Variants in COG5 observed in about 807,000 individuals in gnomAD.
COG5 encodes component of oligomeric golgi complex 5.
Under a neutral mutation model 110.4 loss-of-function variants are expected in COG5, and 86 were observed. That is an observed-to-expected ratio of 0.78 (90% CI 0.65 to 0.93). The LOEUF (loss-of-function observed/expected upper bound fraction) is 0.93, where lower values mean the gene tolerates loss of function less well. Ranked by LOEUF, COG5 falls within the 40% of genes least tolerant of loss-of-function variation. The probability of loss-of-function intolerance (pLI) is 0.00; values close to 1 mark genes in which losing one functional copy is unlikely to be tolerated. For missense variants in COG5, 1,077 were observed against 987.0 expected (o/e 1.09, Z -1.22); for synonymous variants, 360 against 334.6 (o/e 1.08, Z -0.83).
intron 6 of COG5, among the ~76,000 whole-genome samples, chr7:107,508,290 G>A (rs993412925): frequency 6.6e-6 from 1 of 152,248 alleles, no homozygotes; most frequent in African/African-American, 2.4e-5. Flanking sequence ...TGCTAGCACA[G>A]CAGTCTGAGA....
chr7:107,443,205 A>G (rs1467578828), intron 6 of COG5, among the ~76,000 whole-genome samples: 1 of 152,178 alleles, frequency 6.6e-6, no homozygotes, highest in Non-Finnish European at 1.5e-5. Context: ...ACATGCTACA[A>G]TGTGAAAGAA....
chr7:107,455,537 AAAAC>A (rs1795607729), intron 6 of COG5, among the ~76,000 whole-genome samples: 1 of 152,200 alleles, frequency 6.6e-6, no homozygotes, highest in African/African-American at 2.4e-5. Context: ...GTCAAAAAAG[AAAAC>A]AAAGAATATG....
rs562394150 is a variant in COG5, at chr7:107,519,121, T to C, written c.538+8116A>G. Among the ~76,000 whole-genome samples, 4 of 152,224 alleles carry C rather than the reference T, an allele frequency of 2.6e-5. No homozygotes were observed. The East Asian group carries it at 5.8e-4, about 22-fold the overall frequency. ...AACCAATTAGAACAAAGAGACAACATACCAGAATCTCTGGGACACATTTAA... is the reference window on the plus strand; with the variant it reads ...AACCAATTAGAACAAAGAGACAACACACCAGAATCTCTGGGACACATTTAA... On this transcript the variant is annotated intron_variant, in intron 6 of 21. Coordinates refer to ENST00000297135, the MANE Select transcript of COG5 (RefSeq NM_006348.5).
intron 6 of COG5, among the ~76,000 whole-genome samples, chr7:107,485,809 A>T (rs1797624671): frequency 6.6e-6 from 1 of 152,220 alleles, no homozygotes; most frequent in African/African-American, 2.4e-5. Flanking sequence ...GCCAACATCA[A>T]TGTCACAAAG....
intron 6 of COG5, among the ~76,000 whole-genome samples, chr7:107,521,607 G>C (rs988866773): frequency 2.6e-5 from 4 of 151,982 alleles, no homozygotes; most frequent in Non-Finnish European, 5.9e-5. Context: ...TCACGCCAAT[G>C]GCAATTACTA....
chr7:107,230,903 C>T (rs955332812), intron 18 of COG5, among the ~76,000 whole-genome samples: 25 of 123,012 alleles, frequency 2.0e-4, no homozygotes, highest in Non-Finnish European at 3.2e-4. Flanking sequence ...TGAGACAATT[C>T]CTTCATGAAA....
chr7:107,467,704 T>C (rs1796382678), intron 6 of COG5, among the ~76,000 whole-genome samples: 1 of 152,202 alleles, frequency 6.6e-6, no homozygotes, highest in African/African-American at 2.4e-5. Context: ...AATCAGTAGT[T>C]GAGATATTTG....
intron 14 of COG5, among the ~76,000 whole-genome samples, chr7:107,272,212 CAG>C (rs1304262435): frequency 6.6e-6 from 1 of 152,184 alleles, no homozygotes; most frequent in Non-Finnish European, 1.5e-5. Flanking sequence ...CCATTCTATT[CAG>C]AGTCACCCCT....
At chr7:107,483,006 T>C (rs1376577320) in intron 6 of COG5, among the ~76,000 whole-genome samples, 4 of 152,200 alleles carry the variant, frequency 2.6e-5, no homozygotes, top group African/African-American at 7.2e-5. Context: ...TTACAAATTG[T>C]ATTTTGTATG....
At chr7:107,262,268 A>G (rs540191460) in intron 14 of COG5, among the ~76,000 whole-genome samples, 1 of 152,248 alleles carries the variant, frequency 6.6e-6, no homozygotes, top group South Asian at 2.1e-4. Flanking sequence ...GCTATCTCAC[A>G]GGAGTCCCTG....
chr7:107,272,683 T>C (rs981022342), intron 14 of COG5, among the ~76,000 whole-genome samples: 14 of 152,188 alleles, frequency 9.2e-5, no homozygotes, highest in African/African-American at 3.1e-4. Context: ...CATTGCTAGA[T>C]TATCAATTCC....
chr7:107,444,286 T>C (rs1479790646), intron 6 of COG5, among the ~76,000 whole-genome samples: 1 of 152,226 alleles, frequency 6.6e-6, no homozygotes, highest in Non-Finnish European at 1.5e-5. Flanking sequence ...AAATTAATCA[T>C]ATAATTTATT....
intron 6 of COG5, among the ~76,000 whole-genome samples, chr7:107,439,741 A>C (rs929746119): frequency 6.6e-6 from 1 of 152,196 alleles, no homozygotes; most frequent in African/African-American, 2.4e-5. Context: ...AAATAAAGAC[A>C]ATTTTGTACT....
chr7:107,261,107 C>G (rs1485691650), intron 14 of COG5, among the ~76,000 whole-genome samples: 1 of 152,088 alleles, frequency 6.6e-6, no homozygotes, highest in African/African-American at 2.4e-5. Flanking sequence ...AAAGTTGGCT[C>G]TCTACATATG....
chr7:107,305,770 T>C (rs761997998), intron 11 of COG5, among the ~76,000 whole-genome samples: 8 of 151,994 alleles, frequency 5.3e-5, no homozygotes, highest in Non-Finnish European at 1.2e-4. Context: ...ACCTTGGCTC[T>C]TGCCAAGTGG....
At chr7:107,518,843 C>A (rs1800129319) in intron 6 of COG5, among the ~76,000 whole-genome samples, 1 of 152,184 alleles carries the variant, frequency 6.6e-6, no homozygotes, top group Non-Finnish European at 1.5e-5. Context: ...CATTCTAAAT[C>A]AACAGAATAT....
At chr7:107,234,075 T>C (rs983562973) in intron 18 of COG5, among the ~76,000 whole-genome samples, 1 of 152,244 alleles carries the variant, frequency 6.6e-6, no homozygotes, top group African/African-American at 2.4e-5. Context: ...GTACCCATGA[T>C]CCACAGGACT....
chr7:107,505,357 A>T (rs1798918084), intron 6 of COG5, among the ~76,000 whole-genome samples: 1 of 152,138 alleles, frequency 6.6e-6, no homozygotes, highest in Non-Finnish European at 1.5e-5. Flanking sequence ...GACTGGAGCC[A>T]CCTTAGCTCC....
intron 2 of COG5, among the ~76,000 whole-genome samples, chr7:107,555,786 T>C (rs1352566996): frequency 6.6e-6 from 1 of 151,710 alleles, no homozygotes; most frequent in Non-Finnish European, 1.5e-5. Context: ...CCGAGGTGGG[T>C]GGATCATTTG....
Sources: gnomAD v4.1 joint callset for allele counts (sites outside exome capture counted in the v4.1 genomes callset) on GRCh38, gnomAD v4.1.1 for gene constraint, MANE v1.5 for transcripts, NCBI Gene and HGNC (gene_info 2026-07-23, HGNC 2026-07-21) for gene names.